Variants in SH3RF1 observed in about 807,000 individuals in gnomAD.
SH3RF1 encodes the protein E3 ubiquitin-protein ligase SH3RF1.
In SH3RF1, 32 loss-of-function variants were observed where a neutral mutation model predicts 74.0. The ratio of observed to expected loss-of-function variants is 0.43; its 90% confidence interval spans 0.33 to 0.58. The LOEUF is 0.58. Among genes scored for constraint, SH3RF1 ranks in the 20% least tolerant of loss-of-function variants. The pLI is 0.05. For synonymous variants in SH3RF1, 396 were observed against 439.6 expected, an observed-to-expected ratio of 0.90 and a Z score of 1.24; for missense variants, 954 against 1,130.9, an observed-to-expected ratio of 0.84 and a Z score of 2.24.
intron 4 of SH3RF1, among the ~76,000 whole-genome samples, chr4:169,140,143 T>A (rs975975267): frequency 1.3e-5 from 2 of 152,152 alleles, no homozygotes; most frequent in Non-Finnish European, 2.9e-5. Flanking sequence ...CCAGAGAAAA[T>A]CATAAAGTTA....
chr4:169,165,513 C>T (rs970630558), intron 2 of SH3RF1, among the ~76,000 whole-genome samples: 1 of 151,918 alleles, frequency 6.6e-6, no homozygotes, highest in Non-Finnish European at 1.5e-5. Context: ...GAAACCCCAT[C>T]TCTTAAAAAA....
At position 169,178,272 on chromosome 4, in the gene SH3RF1, A is replaced by T. The variant is rs572448825; in HGVS notation, c.394-21593T>A. 8.2e-3 allele frequency among the ~76,000 whole-genome samples: 485 copies of T among 59,182 alleles called. 3 individuals are homozygous for T. Among genetic ancestry groups the T allele is most frequent in the African/African-American group, 0.019 (337 of 17,710 alleles). 38.8% of individuals were successfully genotyped at this position (59,182 alleles called of 152,430 possible). Reference sequence around the variant, plus strand: ...GTAAACAAATAAACAAAAAAAAAAAATTTTTTTTTAAATAAGCAACTATGC... The same window carrying T: ...GTAAACAAATAAACAAAAAAAAAAATTTTTTTTTTAAATAAGCAACTATGC... On this transcript the variant is annotated intron_variant, in intron 2 of 11. Coordinates refer to ENST00000284637, the MANE Select transcript of SH3RF1 (RefSeq NM_020870.4).
At chr4:169,227,929 G>A (rs1336424773) in intron 2 of SH3RF1, among the ~76,000 whole-genome samples, 1 of 152,136 alleles carries the variant, frequency 6.6e-6, no homozygotes, top group African/African-American at 2.4e-5. Context: ...CGAATGAAGG[G>A]AACTCTACAA....
intron 2 of SH3RF1, among the ~76,000 whole-genome samples, chr4:169,165,404 ACATGCAGTGGCT>A (rs1212416711): frequency 1.3e-5 from 2 of 152,206 alleles, no homozygotes; most frequent in African/African-American, 4.8e-5. Context: ...GGTAACAGCC[ACATGCAGTGGCT>A]CATGCCTGCA....
chr4:169,175,569 T>G (rs952386258), intron 2 of SH3RF1, among the ~76,000 whole-genome samples: 2 of 152,148 alleles, frequency 1.3e-5, no homozygotes, highest in African/African-American at 4.8e-5. Context: ...TAATGTCATC[T>G]CAGAAGGCTT....
rs1379545223 is a variant in SH3RF1, at chr4:169,228,307, A to C, written c.393+40513T>G. 2.0e-5 allele frequency among the ~76,000 whole-genome samples: 3 copies of C among 152,166 alleles called. No individual in the cohort carries two copies. In the East Asian group the frequency reaches 5.8e-4, roughly 29 times the overall value. On this transcript the variant is annotated intron_variant, in intron 2 of 11. Transcript: ENST00000284637. ...CAAACTTCATGGCTTAAGATAACACAAATTTGTTATCTTGCAGTTCTGGAG... is the reference window on the plus strand; with the variant it reads ...CAAACTTCATGGCTTAAGATAACACCAATTTGTTATCTTGCAGTTCTGGAG...
Position 169,136,677 on chromosome 4 carries a change from C to T in SH3RF1, c.766-57G>A, listed in dbSNP as rs188059716. 2,431 of 1,449,324 alleles carry T rather than the reference C, an allele frequency of 1.7e-3. 8 individuals are homozygous for T. The highest frequency in any genetic ancestry group is 1.5e-3 in the Non-Finnish European group (1,696 of 1,097,090). The allele number at this position is 1,449,324 out of a possible 1,614,324, so 89.8% of individuals were successfully genotyped here. A position where few individuals can be genotyped will look rare whatever the true frequency, so the allele number is the denominator to read the frequency against. ...AGGTTAAACAATTCCTAAGAATTCCCTGAGGTTTATTTCCAACATGATTTC... is the reference window on the plus strand; with the variant it reads ...AGGTTAAACAATTCCTAAGAATTCCTTGAGGTTTATTTCCAACATGATTTC... On this transcript the variant is annotated intron_variant, in intron 4 of 11. Transcript: ENST00000284637.
chr4:169,249,145 G>A (rs929716917), intron 2 of SH3RF1, among the ~76,000 whole-genome samples: 4 of 152,068 alleles, frequency 2.6e-5, no homozygotes, highest in South Asian at 2.1e-4. Context: ...GGAGAATGGC[G>A]TGAACCCGGG....
intron 2 of SH3RF1, among the ~76,000 whole-genome samples, chr4:169,198,813 A>G (rs1336565473): frequency 6.6e-6 from 1 of 152,218 alleles, no homozygotes; most frequent in African/African-American, 2.4e-5. Context: ...AACAGACTTC[A>G]ACGGAAACAA....
rs1009326258 is a variant in SH3RF1 at position 169,112,613 on chromosome 4, G to C, written c.2139+3656C>G. ...AAACATAGAGGCATCTAAAGGTACTGATGTGATCTCCCAGGGAGCAGCCTA... is the reference window on the plus strand; with the variant it reads ...AAACATAGAGGCATCTAAAGGTACTCATGTGATCTCCCAGGGAGCAGCCTA... On this transcript the variant is annotated intron_variant, in intron 10 of 11. Coordinates refer to ENST00000284637, the MANE Select transcript of SH3RF1 (RefSeq NM_020870.4). 3.3e-5 allele frequency among the ~76,000 whole-genome samples: 5 copies of C among 152,302 alleles called. No homozygotes were observed. In the East Asian group the frequency reaches 9.6e-4, roughly 29 times the overall value.
At chr4:169,111,030 A>G (rs1014601653) in intron 10 of SH3RF1, among the ~76,000 whole-genome samples, 1 of 151,830 alleles carries the variant, frequency 6.6e-6, no homozygotes, top group African/African-American at 2.4e-5. Flanking sequence ...TTTTCAGACC[A>G]GGCGCAGTGG....
chr4:169,172,712 G>A (rs980401716), intron 2 of SH3RF1, among the ~76,000 whole-genome samples: 2 of 152,148 alleles, frequency 1.3e-5, no homozygotes, highest in Non-Finnish European at 2.9e-5. Context: ...AGGGGTGAGG[G>A]TGTTGCCAGA....
chr4:169,226,687 G>A (rs1403566106), intron 2 of SH3RF1, among the ~76,000 whole-genome samples: 1 of 152,076 alleles, frequency 6.6e-6, no homozygotes, highest in Non-Finnish European at 1.5e-5. Context: ...CAATTTTATA[G>A]GAAACTATTG....
At chr4:169,246,109 T>C (rs1399353036) in intron 2 of SH3RF1, among the ~76,000 whole-genome samples, 1 of 152,096 alleles carries the variant, frequency 6.6e-6, no homozygotes, top group East Asian at 1.9e-4. Flanking sequence ...CTCTGAACCA[T>C]GTGTCTGAAG....
At chr4:169,232,272 A>G (rs1730756423) in intron 2 of SH3RF1, among the ~76,000 whole-genome samples, 1 of 152,194 alleles carries the variant, frequency 6.6e-6, no homozygotes, top group African/African-American at 2.4e-5. Flanking sequence ...CACATTTGGG[A>G]AAGACCGCCA....
At chr4:169,165,246 T>C (rs1734216120) in intron 2 of SH3RF1, among the ~76,000 whole-genome samples, 1 of 151,980 alleles carries the variant, frequency 6.6e-6, no homozygotes, top group African/African-American at 2.4e-5. Flanking sequence ...GACCCTGGGG[T>C]GTAGAGCTAA....
intron 4 of SH3RF1, 98 bp from the exon 5 acceptor site, chr4:169,136,718 T>A (rs1359623461): frequency 1.5e-6 from 2 of 1,330,396 alleles, no homozygotes; most frequent in Middle Eastern, 1.9e-4. Context: ...AAATTTAAAG[T>A]CACTACTTTA....
Position 169,106,848 on chromosome 4 carries a change from T to C in SH3RF1, c.2497A>G (p.Arg833Gly). The C allele has an allele frequency of 6.5e-7, 1 of 1,547,858 alleles. No homozygotes were observed. Among genetic ancestry groups the C allele is most frequent in the Non-Finnish European group, 8.7e-7 (1 of 1,145,816 alleles). ...LNESRPVVCE[R>G]HRVVVSYPPQ... is the part of the protein sequence containing the mutation. ...TTCCTGGAACGAAGTTGAACTTACC[T>C]TTCACAAACGACAGGTCTAGACTCA... The change falls in exon 11 of 12, where the codon AGG (arginine) becomes GGG (glycine). Residue 833 changes from arginine (R) to glycine (G), a missense_variant and splice_region_variant. Physicochemically the swap from Arg to Gly is moderately radical, Grantham distance 125. Coordinates refer to ENST00000284637, the MANE Select transcript of SH3RF1 (RefSeq NM_020870.4).
chr4:169,123,436 A>G (rs552668406), intron 6 of SH3RF1, among the ~76,000 whole-genome samples: 89 of 152,334 alleles, frequency 5.8e-4, no homozygotes, highest in Non-Finnish European at 6.9e-4. Context: ...GATTTTTCCC[A>G]CACTGTAGCT....
Sources: allele counts gnomAD v4.1 joint callset (sites outside exome capture counted in the v4.1 genomes callset), GRCh38; gene constraint gnomAD v4.1.1; transcripts MANE v1.5; gene names NCBI Gene and HGNC (gene_info 2026-07-23, HGNC 2026-07-21).